Variants in SEPTIN9 observed in about 807,000 individuals in gnomAD.
The protein encoded by SEPTIN9 is septin 9, also known as septin-9.
Under a neutral mutation model 56.6 loss-of-function variants are expected in SEPTIN9, and 13 were observed. The observed-to-expected ratio is 0.23, with a 90% CI of 0.15 to 0.37. SEPTIN9 has a LOEUF of 0.37. Ranked by LOEUF, SEPTIN9 falls within the 10% of genes least tolerant of loss-of-function variation. The pLI is 1.00. For synonymous variants in SEPTIN9, 332 were observed against 334.1 expected, an observed-to-expected ratio of 0.99 and a Z score of 0.07; for missense variants, 650 against 823.1, an observed-to-expected ratio of 0.79 and a Z score of 2.57.
chr17:77,481,866 T>C, intron 3 of SEPTIN9: 2 of 512,890 alleles, frequency 3.9e-6, no homozygotes, highest in East Asian at 3.4e-5. Flanking sequence ...TTGGCACAGC[T>C]CCTAGAAGAG....
intron 2 of SEPTIN9, among the ~76,000 whole-genome samples, chr17:77,392,040 C>G (rs905893912): frequency 3.3e-5 from 5 of 152,200 alleles, no homozygotes; most frequent in Non-Finnish European, 7.3e-5. Context: ...GTGGAGGGTC[C>G]CCTTGCAGCC....
At chr17:77,355,070 G>A (rs1019403080) in intron 2 of SEPTIN9, among the ~76,000 whole-genome samples, 9 of 152,158 alleles carry the variant, frequency 5.9e-5, no homozygotes, top group Non-Finnish European at 1.2e-4. Context: ...TCTACGTGCC[G>A]ATTATTTGGA....
chr17:77,365,808 C>T (rs1420402694), intron 2 of SEPTIN9, among the ~76,000 whole-genome samples: 3 of 152,206 alleles, frequency 2.0e-5, no homozygotes. Context: ...GGAGAGCTCC[C>T]TGGGGACCAC....
rs781548428 is a variant in SEPTIN9, at chr17:77,429,284, G to A, written c.721+26581G>A. On this transcript the variant is annotated intron_variant, in intron 3 of 11. Transcript: ENST00000427177. This position sits in a 1 kb window ranked among gnomAD's most constrained non-coding sequence, Gnocchi z 5.2. ...ATCTGACCGTAATTTTGATGGTGCC[G>A]ATGCCGTCAGCACGCAGGCCTCCTG... is the stretch of plus-strand genomic sequence containing the variant. 17 of 471,116 alleles carry A rather than the reference G, an allele frequency of 3.6e-5. No homozygotes were observed. Among genetic ancestry groups the A allele is most frequent in the Admixed American group, 9.4e-5 (4 of 42,570 alleles). The allele number at this position is 471,116 out of a possible 1,614,324, so 29.2% of individuals were successfully genotyped here. A position where few individuals can be genotyped will look rare whatever the true frequency, so the allele number is the denominator to read the frequency against.
At chr17:77,498,116 A>T (rs1250640835) in intron 11 of SEPTIN9, among the ~76,000 whole-genome samples, 4 of 151,962 alleles carry the variant, frequency 2.6e-5, no homozygotes, top group Non-Finnish European at 5.9e-5. Context: ...CACAGGCCAT[A>T]GTCCTGGAGG....
At chr17:77,333,545 T>C (rs1354835718) in intron 2 of SEPTIN9, among the ~76,000 whole-genome samples, 1 of 152,218 alleles carries the variant, frequency 6.6e-6, no homozygotes, top group East Asian at 1.9e-4. Flanking sequence ...TTCTTAGTGG[T>C]ATTTTCCAAT....
chr17:77,378,939 C>T (rs1034653669), intron 2 of SEPTIN9, among the ~76,000 whole-genome samples: 1 of 151,906 alleles, frequency 6.6e-6, no homozygotes, highest in Admixed American at 6.6e-5. Flanking sequence ...GATGACCGGA[C>T]CATGAGGACA....
intron 6 of SEPTIN9, 89 bp from the exon 7 acceptor site, chr17:77,488,638 G>T: frequency 6.5e-7 from 1 of 1,543,328 alleles, no homozygotes; most frequent in South Asian, 1.1e-5. Flanking sequence ...TTGGAAGGTG[G>T]GGTGTTGGGC....
At chr17:77,295,172 A>G (rs1159007227) in intron 1 of SEPTIN9, among the ~76,000 whole-genome samples, 2 of 152,176 alleles carry the variant, frequency 1.3e-5, no homozygotes, top group Non-Finnish European at 2.9e-5. Flanking sequence ...AATATTTTCC[A>G]TTTTGTAAAT....
intron 3 of SEPTIN9, among the ~76,000 whole-genome samples, chr17:77,460,898 T>A (rs1414149959): frequency 6.6e-6 from 1 of 152,266 alleles, no homozygotes; most frequent in Non-Finnish European, 1.5e-5. Flanking sequence ...GCTGTGTTTC[T>A]GTTGCCATCC....
chr17:77,309,315 T>C (rs1225613292), intron 2 of SEPTIN9, among the ~76,000 whole-genome samples: 1 of 152,268 alleles, frequency 6.6e-6, no homozygotes, highest in Non-Finnish European at 1.5e-5. Flanking sequence ...ATCCCAAAGC[T>C]GCAAGCTGGT....
At chr17:77,479,785 TG>T in intron 3 of SEPTIN9, among the ~76,000 whole-genome samples, 1 of 78,472 alleles carries the variant, frequency 1.3e-5, no homozygotes, top group Non-Finnish European at 2.8e-5. Context: ...TGGGGGGAGG[TG>T]GGGGCGGGTA....
At chr17:77,488,137 G>C in intron 5 of SEPTIN9, 103 bp from the exon 6 acceptor site, 2 of 1,038,790 alleles carry the variant, frequency 1.9e-6, no homozygotes, top group African/African-American at 3.1e-5. Flanking sequence ...CTCCTTGGTT[G>C]TCATCGCTGC....
In SEPTIN9 at chr17:77,326,851, G is replaced by A. The variant is rs1364669872; in HGVS notation, c.76+19654G>A. On this transcript the variant is annotated intron_variant, in intron 2 of 11. Coordinates refer to ENST00000427177, the MANE Select transcript of SEPTIN9 (RefSeq NM_001113491.2). This position sits in a 1 kb window ranked among gnomAD's most constrained non-coding sequence, Gnocchi z 5.1. ...AGCGGCCAATGATTGAATCAATCAT[G>A]CCTTCGTAATGAGGCCTCCGTGAAC... Among the ~76,000 whole-genome samples, 1 of 152,076 alleles carries A rather than the reference G, an allele frequency of 6.6e-6. No individual in the cohort carries two copies. The highest frequency in any genetic ancestry group is 1.5e-5 in the Non-Finnish European group (1 of 68,028).
chr17:77,444,285 C>T (rs1034623331), intron 3 of SEPTIN9, among the ~76,000 whole-genome samples: 1 of 152,102 alleles, frequency 6.6e-6, no homozygotes, highest in Non-Finnish European at 1.5e-5. Flanking sequence ...GGGAGGGGTC[C>T]TCCAGCAGAG....
At chr17:77,304,595 G>A (rs1478314246) in intron 1 of SEPTIN9, among the ~76,000 whole-genome samples, 4 of 152,120 alleles carry the variant, frequency 2.6e-5, no homozygotes, top group African/African-American at 7.2e-5. Flanking sequence ...CTTTGTCGCC[G>A]GCATCCCCTG....
rs1290711445 is a variant in SEPTIN9 at position 77,281,558 on chromosome 17, G to C, written c.19+4G>C. The C allele has an allele frequency of 6.5e-7, 1 of 1,542,964 alleles. No individual in the cohort carries two copies. The highest frequency in any genetic ancestry group is 8.7e-7 in the Non-Finnish European group (1 of 1,144,348). On this transcript the variant is annotated splice_donor_region_variant and intron_variant, in intron 1 of 11. Coordinates refer to ENST00000427177, the MANE Select transcript of SEPTIN9 (RefSeq NM_001113491.2). Reference sequence around the variant, plus strand: ...ACCATGAAGAAGTCTTACTCAGGTGGGCTTCGCGCCCGGGGTGGGGAGGGG... The same window carrying C: ...ACCATGAAGAAGTCTTACTCAGGTGCGCTTCGCGCCCGGGGTGGGGAGGGG...
chr17:77,383,416 C>A (rs529669626), intron 2 of SEPTIN9, among the ~76,000 whole-genome samples: 5 of 152,244 alleles, frequency 3.3e-5, no homozygotes, highest in Non-Finnish European at 7.4e-5. Flanking sequence ...GCTGCTGAGG[C>A]TCCAGCGCTG....
Position 77,435,495 on chromosome 17 carries a change from G to A in SEPTIN9, c.721+32792G>A, listed in dbSNP as rs1039602597. Among the ~76,000 whole-genome samples, 3 of 152,180 alleles carry A rather than the reference G, an allele frequency of 2.0e-5. No homozygotes were observed. Among genetic ancestry groups the A allele is most frequent in the African/African-American group, 7.2e-5 (3 of 41,430 alleles). ...AGAAGTAGAGCAACCATGCCGGGCG[G>A]GTCGTCGTGCCCCAGTGCCGCCTGC... On this transcript the variant is annotated intron_variant, in intron 3 of 11. Coordinates refer to ENST00000427177, the MANE Select transcript of SEPTIN9 (RefSeq NM_001113491.2). The surrounding 1 kb of genome is among the most constrained non-coding windows in gnomAD (Gnocchi z 4.5).
Sources: gnomAD v4.1 joint callset for allele counts (sites outside exome capture counted in the v4.1 genomes callset) on GRCh38, gnomAD v4.1.1 for gene constraint, Gnocchi (gnomAD v3.1) non-coding constraint, MANE v1.5 for transcripts, NCBI Gene and HGNC (gene_info 2026-07-23, HGNC 2026-07-21) for gene names.